Variants in ANKRD44 observed in about 807,000 individuals in gnomAD.
ANKRD44 encodes ankyrin repeat domain 44, also known as serine/threonine-protein phosphatase 6 regulatory ankyrin repeat subunit B.
A neutral mutation model predicts 116.0 loss-of-function variants in ANKRD44; 35 were observed. The ratio of observed to expected loss-of-function variants is 0.30; its 90% CI spans 0.23 to 0.40. The LOEUF (loss-of-function observed/expected upper bound fraction) is 0.40. ANKRD44 is among the 10% of genes least tolerant of loss of function. ANKRD44 has a pLI of 1.00. For synonymous variants in ANKRD44, 435 were observed against 461.8 expected (o/e 0.94, Z 0.74); for missense variants, 1,014 against 1,242.6 (o/e 0.82, Z 2.77).
chr2:197,011,228 T>C (rs898210477), intron 18 of ANKRD44, among the ~76,000 whole-genome samples: 2 of 152,194 alleles, frequency 1.3e-5, no homozygotes, highest in Non-Finnish European at 2.9e-5. Flanking sequence ...TTCATGAACA[T>C]GGAAAAACAG....
At chr2:197,034,397 T>C (rs1218193955) in intron 16 of ANKRD44, among the ~76,000 whole-genome samples, 4 of 151,276 alleles carry the variant, frequency 2.6e-5, no homozygotes, top group African/African-American at 9.7e-5. Flanking sequence ...GTTACCGACA[T>C]TTACACAATC....
downstream of ANKRD44, among the ~76,000 whole-genome samples, chr2:196,983,489 G>C (rs1449890783): frequency 6.6e-6 from 1 of 152,108 alleles, no homozygotes; most frequent in African/African-American, 2.4e-5. Flanking sequence ...TCTGATCTTT[G>C]CATAGCTGGT....
intron 1 of ANKRD44, among the ~76,000 whole-genome samples, chr2:197,225,963 T>C (rs1474845576): frequency 1.1e-4 from 16 of 152,154 alleles, no homozygotes; most frequent in Non-Finnish European, 1.5e-4. Flanking sequence ...TATATTAAAC[T>C]CTCTATGCAT....
chr2:197,123,215 AAAC>A (rs932830363), intron 6 of ANKRD44, among the ~76,000 whole-genome samples: 1 of 152,242 alleles, frequency 6.6e-6, no homozygotes, highest in African/African-American at 2.4e-5. Flanking sequence ...AAAGAAAAAA[AAAC>A]AATTAATGAG....
At position 196,993,440 on chromosome 2, in the gene ANKRD44, T is replaced by G. The variant is rs536978929; in HGVS notation, c.2923+143A>C. 2.0e-4 allele frequency: 136 copies of G among 670,820 alleles called. 2 individuals carry two copies. The South Asian group carries it at 2.4e-3, about 12-fold the overall frequency. 41.6% of individuals were successfully genotyped at this position (670,820 alleles called of 1,614,324 possible). On this transcript the variant is annotated intron_variant, in intron 27 of 27. Coordinates refer to ENST00000282272, the MANE Select transcript of ANKRD44 (RefSeq NM_001195144.2). ...AAAGACAGACAGGACAAGTTATCCT[T>G]GCTTGATTTCTCACACACAGGACTT...
intron 4 of ANKRD44, among the ~76,000 whole-genome samples, chr2:197,128,936 T>G (rs948293073): frequency 6.6e-6 from 1 of 152,154 alleles, no homozygotes; most frequent in African/African-American, 2.4e-5. Flanking sequence ...AGTAGAATAA[T>G]AAAATGAAAT....
chr2:197,239,823 G>A (rs1409342031), intron 1 of ANKRD44, among the ~76,000 whole-genome samples: 1 of 151,976 alleles, frequency 6.6e-6, no homozygotes, highest in Non-Finnish European at 1.5e-5. Context: ...CTATCTCAAT[G>A]GATTTCATAC....
At chr2:197,099,026 C>T (rs2078229496) in intron 10 of ANKRD44, among the ~76,000 whole-genome samples, 1 of 152,090 alleles carries the variant, frequency 6.6e-6, no homozygotes, top group South Asian at 2.1e-4. Flanking sequence ...CCGCTTTCCT[C>T]CCTGCTTGGG....
chr2:197,237,861 G>T (rs2082009442), intron 1 of ANKRD44, among the ~76,000 whole-genome samples: 1 of 152,182 alleles, frequency 6.6e-6, no homozygotes, highest in African/African-American at 2.4e-5. Flanking sequence ...TCCTTTCCAT[G>T]CAGTGCACCA....
intron 16 of ANKRD44, among the ~76,000 whole-genome samples, chr2:197,028,011 T>C (rs931969833): frequency 6.6e-6 from 1 of 152,098 alleles, no homozygotes; most frequent in Non-Finnish European, 1.5e-5. Flanking sequence ...AATTGATCAC[T>C]GAGTTTAGCA....
chr2:197,016,090 G>A (rs1319181580), intron 17 of ANKRD44: 1 of 435,486 alleles, frequency 2.3e-6, no homozygotes, highest in East Asian at 6.0e-5. Flanking sequence ...GTTACTTTGA[G>A]ACAATTGTCC....
At chr2:197,080,754 A>T (rs924905780) in intron 15 of ANKRD44, among the ~76,000 whole-genome samples, 2 of 152,164 alleles carry the variant, frequency 1.3e-5, no homozygotes, top group African/African-American at 4.8e-5. Context: ...GGAGGAGCAC[A>T]GTGGAAAACC....
In ANKRD44 at chr2:197,100,007, G is replaced by A. The variant is rs2078252552; in HGVS notation, c.986-77C>T. On this transcript the variant is annotated intron_variant, in intron 9 of 27. Coordinates refer to ENST00000282272, the MANE Select transcript of ANKRD44 (RefSeq NM_001195144.2). ...GTCCTATGTTCTCTGCTAGTCTCTCGTATCAACCAAATGTTGATTTCTTTC... is the reference window on the plus strand; with the variant it reads ...GTCCTATGTTCTCTGCTAGTCTCTCATATCAACCAAATGTTGATTTCTTTC... 119 of 1,280,802 alleles carry A rather than the reference G, an allele frequency of 9.3e-5. 2 individuals are homozygous for A. The South Asian group carries it at 1.4e-3, about 15-fold the overall frequency. The allele number at this position is 1,280,802 out of a possible 1,614,324, so 79.3% of individuals were successfully genotyped here. A position where few individuals can be genotyped will look rare whatever the true frequency, so the allele number is the denominator to read the frequency against.
chr2:197,120,607 C>T (rs989741871), intron 8 of ANKRD44, among the ~76,000 whole-genome samples: 3 of 151,786 alleles, frequency 2.0e-5, no homozygotes, highest in East Asian at 1.9e-4. Flanking sequence ...GCTGAGATCA[C>T]GCCATTGCAT....
chr2:197,067,178 T>C (rs946841466), intron 16 of ANKRD44, among the ~76,000 whole-genome samples: 12 of 152,044 alleles, frequency 7.9e-5, no homozygotes, highest in African/African-American at 2.9e-4. Flanking sequence ...AAACAAGCAA[T>C]GGGGAAAGGA....
chr2:197,237,550 T>C (rs1218835413), intron 1 of ANKRD44, among the ~76,000 whole-genome samples: 1 of 152,198 alleles, frequency 6.6e-6, no homozygotes, highest in East Asian at 1.9e-4. Flanking sequence ...ATTCGGAGTG[T>C]GTGATGTCTG....
intron 3 of ANKRD44, among the ~76,000 whole-genome samples, chr2:197,138,291 A>T (rs2079268410): frequency 6.6e-6 from 1 of 152,240 alleles, no homozygotes; most frequent in South Asian, 2.1e-4. Flanking sequence ...GAAAGGCATG[A>T]TCTTTGCCCT....
chr2:196,971,419 C>A (rs975795566), intron 21 of ANKRD44, among the ~76,000 whole-genome samples: 7 of 151,984 alleles, frequency 4.6e-5, no homozygotes, highest in African/African-American at 1.7e-4. Flanking sequence ...TGCAGTGGTG[C>A]GATCTCGGCT....
At chr2:197,080,219 T>C (rs1464676993) in intron 15 of ANKRD44, among the ~76,000 whole-genome samples, 1 of 152,248 alleles carries the variant, frequency 6.6e-6, no homozygotes, top group Non-Finnish European at 1.5e-5. Context: ...AAACTATATA[T>C]ACTAACAACA....
Sources: gnomAD v4.1 joint callset for allele counts (sites outside exome capture counted in the v4.1 genomes callset) on GRCh38, gnomAD v4.1.1 for gene constraint, MANE v1.5 for transcripts, NCBI Gene and HGNC (gene_info 2026-07-23, HGNC 2026-07-21) for gene names.